Variants in TUBGCP3 observed in about 807,000 individuals in gnomAD.
TUBGCP3 encodes the protein tubulin gamma complex component 3, also known as gamma-tubulin complex component 3.
A neutral mutation model predicts 123.1 loss-of-function variants in TUBGCP3; 50 were observed. The ratio of observed to expected loss-of-function variants is 0.41; its 90% CI spans 0.32 to 0.51. The LOEUF (loss-of-function observed/expected upper bound fraction) is 0.51. Among genes scored for constraint, TUBGCP3 ranks in the 20% least tolerant of loss-of-function variants. The pLI is 0.36. For missense variants in TUBGCP3, 882 were observed against 1,127.0 expected (o/e 0.78, Z 3.11); for synonymous variants, 405 against 413.9 (o/e 0.98, Z 0.26).
chr13:112,556,550 T>C (rs1435014741), intron 5 of TUBGCP3, among the ~76,000 whole-genome samples: 2 of 152,146 alleles, frequency 1.3e-5, no homozygotes, highest in Admixed American at 6.5e-5. Flanking sequence ...ACATATAACA[T>C]ACCTTACCCA....
chr13:112,577,918 T>C (rs1881956715), intron 1 of TUBGCP3, among the ~76,000 whole-genome samples: 1 of 152,220 alleles, frequency 6.6e-6, no homozygotes, highest in Admixed American at 6.5e-5. Flanking sequence ...AAAAGCTTTC[T>C]TTGGTAAACT....
chr13:112,585,340 C>T (rs1369145425), intron 1 of TUBGCP3, among the ~76,000 whole-genome samples: 2 of 152,176 alleles, frequency 1.3e-5, no homozygotes, highest in Admixed American at 6.5e-5. Context: ...ACAAGGTAAG[C>T]TACTATTTAT....
chr13:112,559,255 C>A lies in TUBGCP3; in HGVS notation c.330+67G>T, dbSNP rs1055921665. 18 of 1,321,566 alleles carry A rather than the reference C, an allele frequency of 1.4e-5. No individual in the cohort carries two copies. The Admixed American group carries it at 3.4e-4, about 25-fold the overall frequency. 81.9% of individuals were successfully genotyped at this position (1,321,566 alleles called of 1,614,324 possible). A position where few individuals can be genotyped will look rare whatever the true frequency, so the allele number is the denominator to read the frequency against. ...AGCATTATTTTCTTAGCTGCAGAAG[C>A]CGTTTCCTATCAAAGTCAGCCAGGG... On this transcript the variant is annotated intron_variant, in intron 4 of 21. Transcript: ENST00000261965.
At chr13:112,560,299 G>A (rs543150444) in intron 3 of TUBGCP3, among the ~76,000 whole-genome samples, 18 of 150,732 alleles carry the variant, frequency 1.2e-4, no homozygotes, top group East Asian at 9.8e-4. Context: ...GCGTAGTGGC[G>A]GGCGCCTGTA....
rs771174907 is a variant in TUBGCP3 at position 112,489,696 on chromosome 13, C to T, written c.2450G>A (p.Gly817Asp). ...CTCTGCTGCCGTCACTCCCCACTGG[C>T]CCTGAACAATCAAAAGTACCAAATG... ...EEKKKQREIEGQWGVTAAEEE... is the reference protein window; with the variant it reads ...EEKKKQREIEDQWGVTAAEEE... The change falls in exon 21 of 22, where the codon GGC becomes GAC. Residue 817 changes from glycine to aspartate, a missense_variant and splice_region_variant. This residue lies in a region of TUBGCP3 where 160 missense variants were observed against 220.3 expected (regional missense o/e 0.73). Transcript: ENST00000261965. 1 of 1,612,298 alleles carries T rather than the reference C, an allele frequency of 6.2e-7. No individual in the cohort carries two copies. The highest frequency in any genetic ancestry group is 8.5e-7 in the Non-Finnish European group (1 of 1,178,282).
At chr13:112,527,737 A>G (rs1877249942) in intron 11 of TUBGCP3, among the ~76,000 whole-genome samples, 1 of 152,234 alleles carries the variant, frequency 6.6e-6, no homozygotes, top group Non-Finnish European at 1.5e-5. Flanking sequence ...AATGTCCATT[A>G]GTGCCTCTGC....
chr13:112,580,516 A>T (rs923171695), intron 1 of TUBGCP3, among the ~76,000 whole-genome samples: 1 of 152,128 alleles, frequency 6.6e-6, no homozygotes. Flanking sequence ...AATAAATTTT[A>T]AAAAAAGGAA....
intron 20 of TUBGCP3, chr13:112,498,814 G>T: frequency 6.4e-7 from 1 of 1,560,110 alleles, no homozygotes; most frequent in South Asian, 1.2e-5. Flanking sequence ...TAATTCTCAT[G>T]AATGCTGCTG....
chr13:112,502,029 G>A (rs1880940385), intron 19 of TUBGCP3, among the ~76,000 whole-genome samples: 1 of 152,174 alleles, frequency 6.6e-6, no homozygotes, highest in Admixed American at 6.5e-5. Flanking sequence ...ATATCAGTAT[G>A]GGTATAGTCC....
Position 112,550,454 on chromosome 13 carries a change from A to C in TUBGCP3, c.967-2278T>G, listed in dbSNP as rs114718007. Among the ~76,000 whole-genome samples the C allele has an allele frequency of 6.7e-3, 1,020 of 152,314 alleles. 8 individuals carry two copies. Among genetic ancestry groups the C allele is most frequent in the African/African-American group, 0.022 (915 of 41,564 alleles). Reference sequence around the variant, plus strand: ...TTTTGTAGACACAAAAGGACACGTCAAAAGTGAGGTGTGCAAGAAGAAACG... The same window carrying C: ...TTTTGTAGACACAAAAGGACACGTCCAAAGTGAGGTGTGCAAGAAGAAACG... On this transcript the variant is annotated intron_variant, in intron 8 of 21. Coordinates refer to ENST00000261965, the MANE Select transcript of TUBGCP3 (RefSeq NM_006322.6).
In TUBGCP3 at chr13:112,503,909, T is replaced by G. The variant is rs916258502; in HGVS notation, c.2307+123A>C. ...CTTCAACAGTAAACTTTTAATAAAA[T>G]TATCTGAATTATTACCAATGTGGCT... On this transcript the variant is annotated intron_variant, in intron 19 of 21. Transcript: ENST00000261965. 8 of 1,252,260 alleles carry G rather than the reference T, an allele frequency of 6.4e-6. No individual in the cohort carries two copies. The African/African-American group carries it at 1.2e-4, about 19-fold the overall frequency. 77.6% of individuals were successfully genotyped at this position (1,252,260 alleles called of 1,614,324 possible).
intron 2 of TUBGCP3, among the ~76,000 whole-genome samples, chr13:112,567,614 T>C (rs966667194): frequency 6.6e-6 from 1 of 152,220 alleles, no homozygotes; most frequent in Non-Finnish European, 1.5e-5. Flanking sequence ...AAATAATACA[T>C]GCACACTCAG....
intron 5 of TUBGCP3, among the ~76,000 whole-genome samples, chr13:112,557,300 C>T (rs116160223): frequency 9.9e-4 from 151 of 152,240 alleles, no homozygotes; most frequent in African/African-American, 3.4e-3. Flanking sequence ...AAATGCTTTG[C>T]GTTTTCTTCA....
At chr13:112,594,653 CTT>C in the TUBGCP3 span, among the ~76,000 whole-genome samples, 82 of 152,232 alleles carry the variant, frequency 5.4e-4, no homozygotes, top group Admixed American at 1.5e-3. Flanking sequence ...GAGGTGAACA[CTT>C]AGGTTATTGT....
chr13:112,514,912 A>T (rs373473122), intron 17 of TUBGCP3, among the ~76,000 whole-genome samples: 1 of 152,368 alleles, frequency 6.6e-6, no homozygotes, highest in South Asian at 2.1e-4. Context: ...AAGAGAAATG[A>T]TGAAATCATA....
At chr13:112,544,190 A>G (rs1878766806) in intron 11 of TUBGCP3, among the ~76,000 whole-genome samples, 1 of 152,002 alleles carries the variant, frequency 6.6e-6, no homozygotes, top group Admixed American at 6.6e-5. Context: ...GCAGTGGCTC[A>G]CGCCTGTAAT....
At chr13:112,526,779 C>T (rs1469699145) in intron 13 of TUBGCP3, among the ~76,000 whole-genome samples, 163 bp downstream of exon 13, 1 of 152,206 alleles carries the variant, frequency 6.6e-6, no homozygotes, top group African/African-American at 2.4e-5. Context: ...ATCATCACCA[C>T]CCATCCCCAA....
chr13:112,496,708 C>T (rs1267762714), intron 20 of TUBGCP3, among the ~76,000 whole-genome samples: 3 of 152,120 alleles, frequency 2.0e-5, no homozygotes, highest in African/African-American at 4.8e-5. Flanking sequence ...AAGGAGTGGC[C>T]GGGCGCGGTG....
At chr13:112,550,487 G>C (rs1329586510) in intron 8 of TUBGCP3, among the ~76,000 whole-genome samples, 1 of 152,166 alleles carries the variant, frequency 6.6e-6, no homozygotes, top group African/African-American at 2.4e-5. Context: ...ACGTCCTAGA[G>C]TCTGGAATGA....
Sources: gnomAD v4.1 joint callset for allele counts (sites outside exome capture counted in the v4.1 genomes callset) on GRCh38, gnomAD v4.1.1 for gene constraint, gnomAD v4.1.1 regional missense constraint, MANE v1.5 for transcripts, NCBI Gene and HGNC (gene_info 2026-07-23, HGNC 2026-07-21) for gene names.